The following CDC42EP4 variants were observed in gnomAD, a reference collection of about 807,000 sequenced individuals.
CDC42EP4 encodes CDC42 effector protein (Rho GTPase binding) 4.
A neutral mutation model predicts 5.6 loss-of-function variants in CDC42EP4; 6 were observed. The observed-to-expected ratio is 1.07, with a 90% CI of 0.59 to 2.12. The LOEUF is 2.12. Ranked by LOEUF, CDC42EP4 falls within the 30% of genes most tolerant of loss-of-function variation. CDC42EP4 has a pLI of 0.00. For missense variants in CDC42EP4, 490 were observed against 508.6 expected, an observed-to-expected ratio of 0.96 and a Z score of 0.35; for synonymous variants, 230 against 224.2, an observed-to-expected ratio of 1.03 and a Z score of -0.23.
intron 1 of CDC42EP4, among the ~76,000 whole-genome samples, chr17:73,301,636 T>G (rs1248315785): frequency 6.6e-6 from 1 of 151,776 alleles, no homozygotes; most frequent in East Asian, 1.9e-4. Flanking sequence ...AACCTTCCAC[T>G]CCTGGGTTCA....
In CDC42EP4 at chr17:73,287,293, G is replaced by A. The variant is rs576182357; in HGVS notation, c.-112-681C>T. On this transcript the variant is annotated intron_variant, in intron 1 of 1. Coordinates refer to ENST00000335793, the MANE Select transcript of CDC42EP4 (RefSeq NM_012121.5). ...TTGGTATCCCATAAATGAGGATCCC[G>A]CCTGTGACGTCTCCACTGTGGAGCC... 1.4e-4 allele frequency among the ~76,000 whole-genome samples: 22 copies of A among 152,250 alleles called. 1 individual carries two copies. In the South Asian group the frequency reaches 1.5e-3, roughly 10 times the overall value.
At position 73,284,704 on chromosome 17, in the gene CDC42EP4, AG is replaced by A. The variant is rs1192246999; in HGVS notation, c.*725del. The A allele has an allele frequency of 6.6e-6, 1 of 152,210 alleles. No individual in the cohort carries two copies. Among genetic ancestry groups the A allele is most frequent in the African/African-American group, 2.4e-5 (1 of 41,454 alleles). 9.4% of individuals were successfully genotyped at this position (152,210 alleles called of 1,614,324 possible). A position where few individuals can be genotyped will look rare whatever the true frequency, so the allele number is the denominator to read the frequency against. On this transcript the variant is annotated 3_prime_UTR_variant, in exon 2 of 2. Coordinates refer to ENST00000335793, the MANE Select transcript of CDC42EP4 (RefSeq NM_012121.5). ...TAAACACAATAATAAAGAACAAACAAGCCCCTAGGGACTGAGCGAGTGCCCT... is the reference window on the plus strand; with the variant it reads ...TAAACACAATAATAAAGAACAAACAACCCCTAGGGACTGAGCGAGTGCCCT...
chr17:73,304,277 C>T (rs73996153), intron 1 of CDC42EP4, among the ~76,000 whole-genome samples: 1,704 of 135,922 alleles, frequency 0.013, 31 homozygotes, highest in African/African-American at 0.046. Flanking sequence ...TCTTCTTCTT[C>T]TTTTTTTTTT....
chr17:73,297,762 A>C (rs556018428), intron 1 of CDC42EP4, among the ~76,000 whole-genome samples: 8 of 151,964 alleles, frequency 5.3e-5, no homozygotes, highest in Non-Finnish European at 1.0e-4. Context: ...AGGTTCAAGC[A>C]ATTCTCCTGC....
intron 1 of CDC42EP4, among the ~76,000 whole-genome samples, chr17:73,302,483 T>G (rs1362436416): frequency 6.8e-6 from 1 of 146,968 alleles, no homozygotes; most frequent in Non-Finnish European, 1.5e-5. Flanking sequence ...GAATTTTTAA[T>G]TTTTTTTTTT....
At chr17:73,311,730 C>G (rs1232679704) in intron 1 of CDC42EP4, among the ~76,000 whole-genome samples, 163 bp downstream of exon 1, 3 of 152,230 alleles carry the variant, frequency 2.0e-5, no homozygotes, top group Non-Finnish European at 4.4e-5. Flanking sequence ...AAAGCGCGAG[C>G]GCCGAGAAGT....
intron 1 of CDC42EP4, among the ~76,000 whole-genome samples, chr17:73,290,827 C>T (rs1225320192): frequency 6.6e-6 from 1 of 152,132 alleles, no homozygotes; most frequent in Non-Finnish European, 1.5e-5. Context: ...GATGTCAGGT[C>T]CTGTGGTTTC....
chr17:73,291,676 C>T (rs12941353), intron 1 of CDC42EP4, among the ~76,000 whole-genome samples: 1 of 152,078 alleles, frequency 6.6e-6, no homozygotes, highest in African/African-American at 2.4e-5. Flanking sequence ...TCCCCATAGC[C>T]TGCCTTGGGC....
chr17:73,304,272 T>C (rs2062233811), intron 1 of CDC42EP4, among the ~76,000 whole-genome samples: 1 of 141,576 alleles, frequency 7.1e-6, no homozygotes, highest in African/African-American at 2.7e-5. Context: ...TCTTTTCTTC[T>C]TCTTCTTTTT....
rs1239367296 is a variant in CDC42EP4, at chr17:73,285,176, C to T, written c.*254G>A. 8.5e-6 allele frequency: 3 copies of T among 354,206 alleles called. No homozygotes were observed. Among genetic ancestry groups the T allele is most frequent in the African/African-American group, 6.2e-5 (3 of 48,172 alleles). 21.9% of individuals were successfully genotyped at this position (354,206 alleles called of 1,614,324 possible). A position where few individuals can be genotyped will look rare whatever the true frequency, so the allele number is the denominator to read the frequency against. On this transcript the variant is annotated 3_prime_UTR_variant, in exon 2 of 2. Coordinates refer to ENST00000335793, the MANE Select transcript of CDC42EP4 (RefSeq NM_012121.5). This position sits in a 1 kb window ranked among gnomAD's most constrained non-coding sequence, Gnocchi z 6.8. Reference sequence around the variant, plus strand: ...GGAAAACCTATTCCTGCTGTGACAACACAGCCCTTGTCCCACGCAGCCTAA... The same window carrying T: ...GGAAAACCTATTCCTGCTGTGACAATACAGCCCTTGTCCCACGCAGCCTAA...
chr17:73,292,717 G>A (rs554617566), intron 1 of CDC42EP4, among the ~76,000 whole-genome samples: 10 of 152,306 alleles, frequency 6.6e-5, no homozygotes, highest in South Asian at 2.1e-4. Flanking sequence ...AGGGAACGGC[G>A]CGTGCAAACG....
At chr17:73,287,058 T>G (rs1313531331) in intron 1 of CDC42EP4, among the ~76,000 whole-genome samples, 3 of 152,224 alleles carry the variant, frequency 2.0e-5, no homozygotes, top group Non-Finnish European at 4.4e-5. Context: ...TTCTTCCTGC[T>G]GTCTAACCTC....
chr17:73,305,833 T>C (rs2062242099), intron 1 of CDC42EP4, among the ~76,000 whole-genome samples: 2 of 152,174 alleles, frequency 1.3e-5, no homozygotes, highest in South Asian at 2.1e-4. Context: ...CAAAAGTCTG[T>C]ACAGTGAAAC....
chr17:73,300,546 T>C (rs1241539380), intron 1 of CDC42EP4, among the ~76,000 whole-genome samples: 1 of 152,166 alleles, frequency 6.6e-6, no homozygotes, highest in East Asian at 1.9e-4. Flanking sequence ...TTCTGAGCAC[T>C]TGACATGTGG....
At chr17:73,300,193 G>A (rs2145321616) in intron 1 of CDC42EP4, among the ~76,000 whole-genome samples, 1 of 152,226 alleles carries the variant, frequency 6.6e-6, no homozygotes, top group East Asian at 1.9e-4. Context: ...AGCCACCCTG[G>A]GGCAGATCCC....
rs1170325880 is a variant in CDC42EP4, at chr17:73,293,330, G to A, written c.-112-6718C>T. ...AGAAATGCAGGTCAAAGAGGATGGA[G>A]ACCAGGATGTGGGTCTGGCGAAGGG... On this transcript the variant is annotated intron_variant, in intron 1 of 1. Coordinates refer to ENST00000335793, the MANE Select transcript of CDC42EP4 (RefSeq NM_012121.5). Among the ~76,000 whole-genome samples, 3 of 152,346 alleles carry A rather than the reference G, an allele frequency of 2.0e-5. No individual in the cohort carries two copies. In the East Asian group the frequency reaches 5.8e-4, roughly 29 times the overall value.
At chr17:73,300,685 C>T (rs2062214365) in intron 1 of CDC42EP4, among the ~76,000 whole-genome samples, 2 of 152,144 alleles carry the variant, frequency 1.3e-5, no homozygotes, top group African/African-American at 4.8e-5. Context: ...TCACACTACA[C>T]AATATACCCA....
intron 1 of CDC42EP4, among the ~76,000 whole-genome samples, chr17:73,305,460 CG>C (rs1246630858): frequency 6.6e-6 from 1 of 152,172 alleles, no homozygotes; most frequent in East Asian, 1.9e-4. Context: ...TCCTAAGAGC[CG>C]GGTGCTCAGC....
At chr17:73,307,045 T>C (rs1036362761) in intron 1 of CDC42EP4, 6 of 152,262 alleles carry the variant, frequency 3.9e-5, no homozygotes, top group Admixed American at 3.3e-4. Flanking sequence ...GGATCCTTCT[T>C]GCCTGGCACT....
Sources: gnomAD v4.1 joint callset for allele counts (sites outside exome capture counted in the v4.1 genomes callset) on GRCh38, gnomAD v4.1.1 for gene constraint, Gnocchi (gnomAD v3.1) non-coding constraint, MANE v1.5 for transcripts, NCBI Gene and HGNC (gene_info 2026-07-23, HGNC 2026-07-21) for gene names.